Variants in KIAA1217 observed in about 807,000 individuals in gnomAD.
KIAA1217 encodes sickle tail protein homolog.
A neutral mutation model predicts 163.9 loss-of-function variants in KIAA1217; 88 were observed. The ratio of observed to expected loss-of-function variants is 0.54; its 90% CI spans 0.45 to 0.64. The LOEUF is 0.64. Ranked by LOEUF, KIAA1217 falls within the 30% of genes least tolerant of loss-of-function variation. KIAA1217 has a pLI of 0.00. For synonymous variants in KIAA1217, 903 were observed against 923.1 expected, an observed-to-expected ratio of 0.98 and a Z score of 0.39; for missense variants, 2,372 against 2,475.0, an observed-to-expected ratio of 0.96 and a Z score of 0.88.
intron 1 of KIAA1217, among the ~76,000 whole-genome samples, chr10:23,798,314 C>T (rs1836304127): frequency 6.6e-6 from 1 of 152,158 alleles, no homozygotes; most frequent in African/African-American, 2.4e-5. Context: ...CTTCAAGCTG[C>T]ATTATTTTTG....
chr10:24,002,906 G>A (rs1483155808), intron 1 of KIAA1217, among the ~76,000 whole-genome samples: 2 of 152,116 alleles, frequency 1.3e-5, no homozygotes, highest in Non-Finnish European at 2.9e-5. Flanking sequence ...TATGCTACTT[G>A]ATTTTCCATT....
Position 24,001,433 on chromosome 10 carries a change from C to T in KIAA1217, c.-320-5792C>T, listed in dbSNP as rs1056318083. 4.3e-4 allele frequency among the ~76,000 whole-genome samples: 65 copies of T among 152,246 alleles called. 1 individual carries two copies. The highest frequency in any genetic ancestry group is 1.5e-3 in the African/African-American group (61 of 41,528). ...TCTAGTGGATAAGATAGAAAGTAAA[C>T]AAGTATTTAAGTGACATAAGATATG... On this transcript the variant is annotated intron_variant, in intron 1 of 18. Transcript: ENST00000376462.
At chr10:23,948,248 A>T (rs967614925) in intron 1 of KIAA1217, among the ~76,000 whole-genome samples, 2 of 152,186 alleles carry the variant, frequency 1.3e-5, no homozygotes, top group African/African-American at 4.8e-5. Context: ...AGCCACAGAG[A>T]GGGGATATTA....
chr10:24,246,367 A>G (rs1196386948), intron 2 of KIAA1217, among the ~76,000 whole-genome samples: 1 of 152,162 alleles, frequency 6.6e-6, no homozygotes, highest in East Asian at 1.9e-4. Flanking sequence ...CCATCCTTGT[A>G]TCTGTGCATG....
chr10:23,810,247 C>A (rs946438654), intron 1 of KIAA1217, among the ~76,000 whole-genome samples: 1 of 150,410 alleles, frequency 6.6e-6, no homozygotes, highest in African/African-American at 2.4e-5. Context: ...CCTACCTACC[C>A]TCTTTCTGAC....
intron 1 of KIAA1217, among the ~76,000 whole-genome samples, chr10:23,837,781 T>G (rs189679818): frequency 2.0e-5 from 3 of 152,134 alleles, no homozygotes; most frequent in Non-Finnish European, 4.4e-5. Context: ...GCTCAATTGA[T>G]CCACCCACCT....
At chr10:23,740,759 G>A (rs1398429937) in intron 1 of KIAA1217, among the ~76,000 whole-genome samples, 1 of 151,420 alleles carries the variant, frequency 6.6e-6, no homozygotes, top group Non-Finnish European at 1.5e-5. Context: ...AGACCTAAAG[G>A]TTGTATGTAG....
chr10:24,207,282 T>TCACACACACACACACACACA (rs71397934), upstream of KIAA1217, among the ~76,000 whole-genome samples: 4 of 140,166 alleles, frequency 2.9e-5, no homozygotes, highest in African/African-American at 8.6e-5. Context: ...TCTCTCTCTC[T>TCACACACACACACACACACA]CACACACACA....
chr10:23,780,380 C>T (rs977201282), intron 1 of KIAA1217, among the ~76,000 whole-genome samples: 4 of 152,148 alleles, frequency 2.6e-5, no homozygotes, highest in African/African-American at 7.2e-5. Flanking sequence ...CTTATTTATC[C>T]TATATAACTG....
intron 2 of KIAA1217, among the ~76,000 whole-genome samples, chr10:24,150,879 T>C (rs543379054): frequency 1.3e-5 from 2 of 152,308 alleles, no homozygotes; most frequent in South Asian, 4.2e-4. Flanking sequence ...GGGTTAGTTA[T>C]CTTTCCCCAG....
At chr10:24,013,472 C>T (rs61353614) in intron 2 of KIAA1217, among the ~76,000 whole-genome samples, 1,581 of 152,116 alleles carry the variant, frequency 0.01, 33 homozygotes, top group African/African-American at 0.036. Context: ...AACCAAGCCC[C>T]GTATTTCCTC....
At chr10:24,209,107 G>C (rs577151880), upstream of KIAA1217, 187 of 1,158,466 alleles carry the variant, frequency 1.6e-4, 1 homozygote, top group African/African-American at 2.6e-3. Context: ...CCAGCCCCGG[G>C]CCCCCTCCCA....
chr10:24,361,696 C>G (rs188187197), intron 2 of KIAA1217, among the ~76,000 whole-genome samples: 3 of 151,922 alleles, frequency 2.0e-5, no homozygotes, highest in African/African-American at 7.2e-5. Flanking sequence ...AATGGCTGGG[C>G]CAGGGGCGAT....
chr10:24,170,980 A>C (rs1265377164), intron 2 of KIAA1217, among the ~76,000 whole-genome samples: 1 of 152,208 alleles, frequency 6.6e-6, no homozygotes, highest in Non-Finnish European at 1.5e-5. Flanking sequence ...AGCAAATTCC[A>C]ATGTTGTTTT....
intron 5 of KIAA1217, chr10:24,449,604 A>G (rs2061235464): frequency 1.0e-6 from 1 of 985,432 alleles, no homozygotes; most frequent in South Asian, 4.7e-5. Flanking sequence ...TTTAAACCAC[A>G]TATTTTGACT....
intron 17 of KIAA1217, among the ~76,000 whole-genome samples, chr10:24,537,978 A>C (rs962149917): frequency 2.0e-5 from 3 of 152,246 alleles, no homozygotes; most frequent in Admixed American, 2.0e-4. Flanking sequence ...TCTAAACTTC[A>C]GGATAAAAAG....
chr10:23,835,506 G>A (rs1838401843), intron 1 of KIAA1217, among the ~76,000 whole-genome samples: 1 of 152,100 alleles, frequency 6.6e-6, no homozygotes, highest in Non-Finnish European at 1.5e-5. Context: ...TGATGTTTCT[G>A]CCCTTTTCCT....
chr10:24,098,926 G>T (rs548110294), intron 2 of KIAA1217, among the ~76,000 whole-genome samples: 2 of 152,284 alleles, frequency 1.3e-5, no homozygotes, highest in African/African-American at 4.8e-5. Flanking sequence ...CAAGGCTGCA[G>T]TGAGCTGTGA....
chr10:23,765,268 C>T (rs1834454996), intron 1 of KIAA1217, among the ~76,000 whole-genome samples: 1 of 138,960 alleles, frequency 7.2e-6, no homozygotes, highest in Admixed American at 8.0e-5. Flanking sequence ...GATCTCCGCT[C>T]ACTGCAAGCT....
Sources: allele counts gnomAD v4.1 joint callset (sites outside exome capture counted in the v4.1 genomes callset), GRCh38; gene constraint gnomAD v4.1.1; transcripts MANE v1.5; gene names NCBI Gene and HGNC (gene_info 2026-07-23, HGNC 2026-07-21).